Variants in EVI5L observed in about 807,000 individuals in gnomAD.
The protein encoded by EVI5L is ecotropic viral integration site 5 like.
EVI5L carries 30 observed loss-of-function variants against 106.1 expected under a neutral mutation model. The observed-to-expected ratio is 0.28, with a 90% CI of 0.21 to 0.38. The LOEUF (loss-of-function observed/expected upper bound fraction) is 0.38. Ranked by LOEUF, EVI5L falls within the 10% of genes least tolerant of loss-of-function variation. The probability of loss-of-function intolerance (pLI) is 1.00; values close to 1 mark genes in which losing one functional copy is unlikely to be tolerated. For synonymous variants in EVI5L, 489 were observed against 483.3 expected (o/e 1.01, Z -0.15); for missense variants, 809 against 1,098.0 (o/e 0.74, Z 3.72).
chr19:7,832,208 A>G (rs1471224691), intron 1 of EVI5L, among the ~76,000 whole-genome samples: 1 of 152,126 alleles, frequency 6.6e-6, no homozygotes, highest in Non-Finnish European at 1.5e-5. Flanking sequence ...TTTGGAAGGG[A>G]TCGCAGGTGG....
At chr19:7,842,651 GTTTA>G (rs1429113301) in intron 1 of EVI5L, among the ~76,000 whole-genome samples, 1 of 151,820 alleles carries the variant, frequency 6.6e-6, no homozygotes, top group Non-Finnish European at 1.5e-5. Context: ...GAATGTGGGT[GTTTA>G]TGTATCAAGT....
intron 13 of EVI5L, among the ~76,000 whole-genome samples, chr19:7,859,545 C>G (rs939252775): frequency 6.6e-6 from 1 of 152,234 alleles, no homozygotes; most frequent in African/African-American, 2.4e-5. Flanking sequence ...CTCACTTGTC[C>G]CCATGAACCA....
intron 1 of EVI5L, among the ~76,000 whole-genome samples, chr19:7,834,100 A>C (rs1568230979): frequency 6.6e-6 from 1 of 152,184 alleles, no homozygotes; most frequent in Non-Finnish European, 1.5e-5. Context: ...TAATCCCGGC[A>C]CTTTGGGAGG....
At position 7,858,348 on chromosome 19, in the gene EVI5L, G is replaced by C. The variant is rs201781204; in HGVS notation, c.1374+17G>C. 2.6e-6 allele frequency: 4 copies of C among 1,539,120 alleles called. No homozygotes were observed. The highest frequency in any genetic ancestry group is 3.5e-6 in the Non-Finnish European group (4 of 1,144,980). ...GAGCAGCAGGTAGGGGCGGGTGTGC[G>C]GGGCTGCTGGGCGGGGCCATGACCC... On this transcript the variant is annotated intron_variant, in intron 13 of 19. Coordinates refer to ENST00000538904, the MANE Select transcript of EVI5L (RefSeq NM_001159944.3). The surrounding 1 kb of genome is among the most constrained non-coding windows in gnomAD (Gnocchi z 5.7).
Position 7,857,115 on chromosome 19 carries a change from G to A in EVI5L, c.1224G>A (p.Arg408=), listed in dbSNP as rs767800524. ...LEKESAALAD[R]LIQGQVTRAQ... is the part of the protein sequence containing the mutation. ...AGGAGAGCGCTGCTCTGGCTGATAG[G>A]TTAATCCAGGTACTGTAGCTTTTTA... Residue 408 remains arginine, a synonymous_variant, in exon 12 of 20, where the codon AGG becomes AGA. Transcript: ENST00000538904. The surrounding 1 kb of genome is among the most constrained non-coding windows in gnomAD (Gnocchi z 4.5). The A allele has an allele frequency of 1.1e-5, 17 of 1,551,660 alleles. No individual in the cohort carries two copies. The highest frequency in any genetic ancestry group is 1.5e-5 in the Non-Finnish European group (17 of 1,147,012).
At position 7,848,273 on chromosome 19, in the gene EVI5L, T is replaced by G. The variant is rs544183651; in HGVS notation, c.327+352T>G. On this transcript the variant is annotated intron_variant, in intron 3 of 19. Transcript: ENST00000538904. The surrounding 1 kb of genome is among the most constrained non-coding windows in gnomAD (Gnocchi z 4.8). ...TTCGAGGCCAGCCTGGGCAACGTAA[T>G]GAGACTCCGACTCTATAAAAAGTTT... Among the ~76,000 whole-genome samples the G allele has an allele frequency of 2.6e-5, 4 of 151,788 alleles. No homozygotes were observed. Among genetic ancestry groups the G allele is most frequent in the Non-Finnish European group, 1.5e-5 (1 of 67,884 alleles).
At chr19:7,842,616 AGT>A (rs1440449448) in intron 1 of EVI5L, among the ~76,000 whole-genome samples, 4 of 150,870 alleles carry the variant, frequency 2.7e-5, no homozygotes, top group Admixed American at 6.6e-5. Context: ...GTGTGTATCA[AGT>A]GTGTGCGTGT....
chr19:7,846,623 C>T lies in EVI5L; in HGVS notation c.81C>T (p.Ser27=), dbSNP rs774086222. The change falls in exon 2 of 20, where the codon TCC becomes TCT. Residue 27 remains serine (S), a synonymous_variant. Transcript: ENST00000538904. ...CCACCTGCTCCCCAACCTCTGACTC[C>T]GAGAACCTCAGCCCCGATGAGCTGG... The part of the protein sequence containing the change: ...SAPTCSPTSD[S]ENLSPDELEL... 68 of 1,613,686 alleles carry T rather than the reference C, an allele frequency of 4.2e-5. No homozygotes were observed. The highest frequency in any genetic ancestry group is 5.2e-5 in the Non-Finnish European group (61 of 1,179,982).
rs765385110 is a variant in EVI5L at position 7,863,022 on chromosome 19, T to A, written c.1998T>A (p.Ala666=). 56 of 1,581,372 alleles carry A rather than the reference T, an allele frequency of 3.5e-5. No homozygotes were observed. The highest frequency in any genetic ancestry group is 4.5e-5 in the Non-Finnish European group (53 of 1,171,180). ...AVRLREADSM[A]AVAEMRQRIA... is the part of the protein sequence containing the mutation. The stretch of plus-strand genomic sequence containing the variant: ...GACTGCGGGAGGCGGACAGCATGGC[T>A]GCGGTGGCCGAGATGCGGCAGCGCA... The change falls in exon 18 of 20, where the codon GCT becomes GCA. Residue 666 remains alanine (A), a synonymous_variant. Coordinates refer to ENST00000538904, the MANE Select transcript of EVI5L (RefSeq NM_001159944.3). This position sits in a 1 kb window ranked among gnomAD's most constrained non-coding sequence, Gnocchi z 7.7.
intron 2 of EVI5L, among the ~76,000 whole-genome samples, chr19:7,847,015 G>A (rs1282663463): frequency 6.6e-6 from 1 of 152,188 alleles, no homozygotes; most frequent in East Asian, 1.9e-4. Flanking sequence ...GCAGGTTTTA[G>A]GCTGGACGTG....
Position 7,856,866 on chromosome 19 carries a change from T to A in EVI5L, c.1201-226T>A. 2 of 695,510 alleles carry A rather than the reference T, an allele frequency of 2.9e-6. No individual in the cohort carries two copies. The highest frequency in any genetic ancestry group is 5.2e-6 in the Non-Finnish European group (2 of 381,556). 43.1% of individuals were successfully genotyped at this position (695,510 alleles called of 1,614,324 possible). A position where few individuals can be genotyped will look rare whatever the true frequency, so the allele number is the denominator to read the frequency against. ...CCCACAGCCGCGGGCACCCCCGACC[T>A]CCCCGCTCACACCGAACCCCTCTCC... On this transcript the variant is annotated intron_variant, in intron 11 of 19. Coordinates refer to ENST00000538904, the MANE Select transcript of EVI5L (RefSeq NM_001159944.3). The surrounding 1 kb of genome is among the most constrained non-coding windows in gnomAD (Gnocchi z 6.6).
Position 7,857,155 on chromosome 19 carries a change from TCCTTCCTGGC to T in EVI5L, c.1233+34_1233+43del. 6.4e-7 allele frequency: 1 copy of T among 1,551,098 alleles called. No individual in the cohort carries two copies. Among genetic ancestry groups the T allele is most frequent in the Non-Finnish European group, 8.7e-7 (1 of 1,146,940 alleles). On this transcript the variant is annotated intron_variant, in intron 12 of 19. Transcript: ENST00000538904. The surrounding 1 kb of genome is among the most constrained non-coding windows in gnomAD (Gnocchi z 4.5). The stretch of plus-strand genomic sequence containing the variant: ...GTAGCTTTTTATCCCCTCTCCGGAT[TCCTTCCTGGC>T]CCCTTCCCTGCACCCTGCACATGAC...
At position 7,832,417 on chromosome 19, in the gene EVI5L, C is replaced by T. The variant is rs150539821; in HGVS notation, c.-48+2036C>T. On this transcript the variant is annotated intron_variant, in intron 1 of 19. Coordinates refer to ENST00000538904, the MANE Select transcript of EVI5L (RefSeq NM_001159944.3). ...GCCCAGGCTTCCTTGTGGATATTCA[C>T]TAGCGGATTGTGGACCATCCAGGAA... Among the ~76,000 whole-genome samples, 357 of 152,358 alleles carry T rather than the reference C, an allele frequency of 2.3e-3. 1 individual carries two copies. The highest frequency in any genetic ancestry group is 8.4e-3 in the African/African-American group (349 of 41,584).
chr19:7,841,613 G>A (rs1978604663), intron 1 of EVI5L, among the ~76,000 whole-genome samples: 1 of 152,186 alleles, frequency 6.6e-6, no homozygotes, highest in Non-Finnish European at 1.5e-5. Context: ...TGTGGCTTGA[G>A]TGGGTGCTGG....
rs1318752996 is a variant in EVI5L, at chr19:7,830,324, G to T, written c.-105G>T. ...GGGGCGAACGGCGCGGCTAGGATCC[G>T]GCGGCTCAGCCCGGGGCGGCGAGGC... On this transcript the variant is annotated 5_prime_UTR_variant, in exon 1 of 20. Transcript: ENST00000538904. The T allele has an allele frequency of 1.3e-5, 2 of 151,184 alleles. No homozygotes were observed. Among genetic ancestry groups the T allele is most frequent in the African/African-American group, 4.9e-5 (2 of 41,216 alleles). The allele number at this position is 151,184 out of a possible 1,614,324, so 9.4% of individuals were successfully genotyped here. A position where few individuals can be genotyped will look rare whatever the true frequency, so the allele number is the denominator to read the frequency against.
rs536166128 is a variant in EVI5L at position 7,857,490 on chromosome 19, A to G, written c.1233+366A>G. The G allele has an allele frequency of 5.9e-5, 26 of 437,440 alleles. No individual in the cohort carries two copies. The highest frequency in any genetic ancestry group is 5.6e-4 in the South Asian group (24 of 43,220). 27.1% of individuals were successfully genotyped at this position (437,440 alleles called of 1,614,324 possible). A position where few individuals can be genotyped will look rare whatever the true frequency, so the allele number is the denominator to read the frequency against. On this transcript the variant is annotated intron_variant, in intron 12 of 19. Transcript: ENST00000538904. The surrounding 1 kb of genome is among the most constrained non-coding windows in gnomAD (Gnocchi z 4.5). ...CTGCGGTCACACACACACACAACAC[A>G]TGCACACACACACACGCACACACAC... is the stretch of plus-strand genomic sequence containing the variant.
rs372492996 is a variant in EVI5L, at chr19:7,842,348, T to TGTGGGGAC, written c.-47-4145_-47-4144insGGGACGTG. On this transcript the variant is annotated intron_variant, in intron 1 of 19. Transcript: ENST00000538904. Reference sequence around the variant, plus strand: ...TGTATGTATCAAGTGTGTGCATGTGTGTGTGAATGTGTATCAAGTGCGTGC... The same window carrying TGTGGGGAC: ...TGTATGTATCAAGTGTGTGCATGTGTGTGGGGACGTGTGAATGTGTATCAAGTGCGTGC... Among the ~76,000 whole-genome samples, 43 of 31,912 alleles carry TGTGGGGAC rather than the reference T, an allele frequency of 1.3e-3. No individual in the cohort carries two copies. In the East Asian group the frequency reaches 0.019, roughly 14 times the overall value. 20.9% of individuals were successfully genotyped at this position (31,912 alleles called of 152,430 possible).
intron 1 of EVI5L, among the ~76,000 whole-genome samples, chr19:7,839,905 A>G (rs991191683): frequency 3.9e-5 from 6 of 152,168 alleles, no homozygotes; most frequent in Admixed American, 3.3e-4. Flanking sequence ...TGTCTCTAAA[A>G]GCAACAACAA....
At chr19:7,842,285 G>A (rs1239268727) in intron 1 of EVI5L, among the ~76,000 whole-genome samples, 2 of 151,382 alleles carry the variant, frequency 1.3e-5, no homozygotes, top group African/African-American at 2.4e-5. Flanking sequence ...ATGTGCATGG[G>A]TATGTATCCA....
Sources: allele counts gnomAD v4.1 joint callset (sites outside exome capture counted in the v4.1 genomes callset), GRCh38; gene constraint gnomAD v4.1.1; non-coding constraint Gnocchi (gnomAD v3.1); transcripts MANE v1.5; gene names NCBI Gene and HGNC (gene_info 2026-07-23, HGNC 2026-07-21).